The following PDPK1 variants were observed in gnomAD, a reference collection of about 807,000 sequenced individuals.
The protein encoded by PDPK1 is 3-phosphoinositide dependent protein kinase 1, also known as 3-phosphoinositide-dependent protein kinase 1.
A neutral mutation model predicts 39.8 loss-of-function variants in PDPK1; 7 were observed. The observed-to-expected ratio is 0.18, with a 90% CI of 0.10 to 0.33. The LOEUF is 0.33. Among genes scored for constraint, PDPK1 ranks in the 10% least tolerant of loss-of-function variants. PDPK1 has a pLI of 1.00. For missense variants in PDPK1, 182 were observed against 384.7 expected (o/e 0.47, Z 4.41); for synonymous variants, 118 against 159.1 (o/e 0.74, Z 1.95).
At chr16:2,594,627 A>G (rs2067062264) in intron 11 of PDPK1, 1 of 152,266 alleles carries the variant, frequency 6.6e-6, no homozygotes, top group African/African-American at 2.4e-5. Context: ...GTAAGATCAG[A>G]TAGAACACAA....
At chr16:2,539,160 A>T (rs893687705) in intron 1 of PDPK1, 6 of 167,660 alleles carry the variant, frequency 3.6e-5, no homozygotes, top group African/African-American at 7.6e-5. Flanking sequence ...GCTCACTGCA[A>T]CCTCCATCTC....
rs1166106626 is a variant in PDPK1 at position 2,598,106 on chromosome 16, T to G, written c.*339T>G. 5.6e-6 allele frequency: 2 copies of G among 354,518 alleles called. No individual in the cohort carries two copies. Among genetic ancestry groups the G allele is most frequent in the Non-Finnish European group, 1.0e-5 (2 of 192,976 alleles). 22.0% of individuals were successfully genotyped at this position (354,518 alleles called of 1,614,324 possible). ...TGGACAGACCTGGTGTCACCAGTTT[T>G]TCCTAGCATCAGTCCGAACCATGCG... On this transcript the variant is annotated 3_prime_UTR_variant, in exon 14 of 14. Coordinates refer to ENST00000342085, the MANE Select transcript of PDPK1 (RefSeq NM_002613.5).
At chr16:2,594,903 C>T (rs1314243805) in intron 11 of PDPK1, among the ~76,000 whole-genome samples, 2 of 152,118 alleles carry the variant, frequency 1.3e-5, no homozygotes, top group African/African-American at 4.8e-5. Context: ...GGGTGGATCA[C>T]AAGGTCAGGA....
At chr16:2,540,751 G>C (rs1029563759) in intron 1 of PDPK1, among the ~76,000 whole-genome samples, 1 of 152,166 alleles carries the variant, frequency 6.6e-6, no homozygotes, top group African/African-American at 2.4e-5. Context: ...GCTGTGATTC[G>C]GCCTTGTTTG....
intron 1 of PDPK1, among the ~76,000 whole-genome samples, chr16:2,544,189 A>G (rs1248873331): frequency 6.6e-6 from 1 of 152,158 alleles, no homozygotes; most frequent in Non-Finnish European, 1.5e-5. Context: ...GGCAGACTGT[A>G]TGTACTCTCC....
chr16:2,595,027 G>C (rs187605521), intron 11 of PDPK1, among the ~76,000 whole-genome samples: 7 of 152,306 alleles, frequency 4.6e-5, no homozygotes, highest in African/African-American at 1.4e-4. Context: ...GGAGGCTGAG[G>C]TGGGAAAATG....
intron 11 of PDPK1, 88 bp from the exon 12 acceptor site, chr16:2,595,705 C>G (rs1246469979): frequency 1.9e-6 from 2 of 1,050,820 alleles, no homozygotes; most frequent in African/African-American, 3.1e-5. Flanking sequence ...CAGGCCGAGG[C>G]TATGGGGAGT....
At chr16:2,594,234 T>G (rs2067053208) in intron 11 of PDPK1, 1 of 152,320 alleles carries the variant, frequency 6.6e-6, no homozygotes. Context: ...GATCATCTTA[T>G]GCCTTCTTCA....
At chr16:2,551,398 G>A (rs1016316261) in intron 1 of PDPK1, among the ~76,000 whole-genome samples, 13 of 151,642 alleles carry the variant, frequency 8.6e-5, no homozygotes, top group Non-Finnish European at 1.0e-4. Flanking sequence ...CTGAGGGCAG[G>A]ATCCCTTTGG....
chr16:2,597,607 G>A lies in PDPK1; in HGVS notation c.1555-44G>A, dbSNP rs774763585. The A allele has an allele frequency of 1.5e-5, 21 of 1,402,276 alleles. No homozygotes were observed. Among genetic ancestry groups the A allele is most frequent in the Non-Finnish European group, 2.1e-5 (21 of 987,186 alleles). The allele number at this position is 1,402,276 out of a possible 1,614,324, so 86.9% of individuals were successfully genotyped here. A position where few individuals can be genotyped will look rare whatever the true frequency, so the allele number is the denominator to read the frequency against. On this transcript the variant is annotated intron_variant, in intron 13 of 13. Transcript: ENST00000342085. This position sits in a 1 kb window ranked among gnomAD's most constrained non-coding sequence, Gnocchi z 6.3. Reference sequence around the variant, plus strand: ...CTCACCAGGTTGGGGTGGGGGTTTTGGTGGGACTCCCTGGAGAACACTAAA... The same window carrying A: ...CTCACCAGGTTGGGGTGGGGGTTTTAGTGGGACTCCCTGGAGAACACTAAA...
rs1055559907 is a variant in PDPK1, at chr16:2,598,939, C to G, written c.*1172C>G. ...CAGCCTTCTCATGCTGCCGGCTCAT[C>G]TGGGCCCATAGAGTGGGCTTTGCCA... On this transcript the variant is annotated 3_prime_UTR_variant, in exon 14 of 14. Coordinates refer to ENST00000342085, the MANE Select transcript of PDPK1 (RefSeq NM_002613.5). The G allele has an allele frequency of 1.3e-4, 30 of 233,216 alleles. No homozygotes were observed. Among genetic ancestry groups the G allele is most frequent in the East Asian group, 1.8e-4 (3 of 16,596 alleles). 14.4% of individuals were successfully genotyped at this position (233,216 alleles called of 1,614,324 possible).
At chr16:2,580,397 G>A (rs1272338496) in intron 7 of PDPK1, among the ~76,000 whole-genome samples, 3 of 146,434 alleles carry the variant, frequency 2.0e-5, no homozygotes, top group African/African-American at 7.9e-5. Flanking sequence ...TGGGCGAGAC[G>A]GGGTCTGCTG....
chr16:2,596,435 C>T (rs1275776370), intron 12 of PDPK1, among the ~76,000 whole-genome samples: 1 of 152,140 alleles, frequency 6.6e-6, no homozygotes, highest in Non-Finnish European at 1.5e-5. Context: ...ACCTCGTGAT[C>T]CACCCGTCTC....
At chr16:2,543,666 C>G (rs1401382950) in intron 1 of PDPK1, among the ~76,000 whole-genome samples, 2 of 152,032 alleles carry the variant, frequency 1.3e-5, no homozygotes, top group African/African-American at 2.4e-5. Context: ...AATTTCCCTA[C>G]ATGGAAACCC....
At chr16:2,539,127 T>G in intron 1 of PDPK1, 1 of 205,824 alleles carries the variant, frequency 4.9e-6, no homozygotes, top group Non-Finnish European at 9.7e-6. Flanking sequence ...ACGCGCAGGC[T>G]GGAGTGCAGT....
chr16:2,540,966 G>A lies in PDPK1; in HGVS notation c.24+2830G>A, dbSNP rs552820478. 2.0e-5 allele frequency among the ~76,000 whole-genome samples: 3 copies of A among 148,872 alleles called. No homozygotes were observed. In the East Asian group the frequency reaches 5.8e-4, roughly 29 times the overall value. The stretch of plus-strand genomic sequence containing the variant: ...GGGAGCATGGAGAGAAGTGGCTTTC[G>A]ATTTTCTCTCTCCTTTTGGGGAGTT... On this transcript the variant is annotated intron_variant, in intron 1 of 13. Transcript: ENST00000342085.
chr16:2,576,783 C>T (rs2066718134), intron 6 of PDPK1: 1 of 173,608 alleles, frequency 5.8e-6, no homozygotes, highest in East Asian at 1.8e-4. Flanking sequence ...ATGAAGTCCG[C>T]AGAAAAGTCA....
chr16:2,542,308 CA>C, intron 1 of PDPK1, among the ~76,000 whole-genome samples: 1 of 152,172 alleles, frequency 6.6e-6, no homozygotes, highest in Admixed American at 6.5e-5. Flanking sequence ...TACAGGTGCG[CA>C]CCACCTACAT....
intron 1 of PDPK1, among the ~76,000 whole-genome samples, chr16:2,546,380 C>G (rs1450190370): frequency 6.6e-6 from 1 of 152,032 alleles, no homozygotes; most frequent in Non-Finnish European, 1.5e-5. Context: ...GTCGCCCAGT[C>G]TGGAGTGCAG....
Sources: allele counts gnomAD v4.1 joint callset (sites outside exome capture counted in the v4.1 genomes callset), GRCh38; gene constraint gnomAD v4.1.1; non-coding constraint Gnocchi (gnomAD v3.1); transcripts MANE v1.5; gene names NCBI Gene and HGNC (gene_info 2026-07-23, HGNC 2026-07-21).